Variants in CHL1 observed in about 807,000 individuals in gnomAD.
CHL1 encodes cell adhesion molecule L1 like, also known as neural cell adhesion molecule L1-like protein.
A neutral mutation model predicts 141.9 loss-of-function variants in CHL1; 96 were observed. The ratio of observed to expected loss-of-function variants is 0.68; its 90% CI spans 0.57 to 0.80. The LOEUF (loss-of-function observed/expected upper bound fraction) is 0.80. CHL1 is among the 30% of genes least tolerant of loss of function. CHL1 has a pLI of 0.00. For missense variants in CHL1, 1,820 were observed against 1,457.2 expected (o/e 1.25, Z -4.05); for synonymous variants, 613 against 502.2 (o/e 1.22, Z -2.95).
intron 1 of CHL1, among the ~76,000 whole-genome samples, chr3:227,460 T>C (rs541041951): frequency 2.0e-5 from 3 of 152,304 alleles, no homozygotes; most frequent in African/African-American, 7.2e-5. Flanking sequence ...CCTCAATGAC[T>C]GTTACATGAA....
intron 5 of CHL1, among the ~76,000 whole-genome samples, chr3:329,526 T>C (rs538227056): frequency 2.0e-5 from 3 of 151,550 alleles, no homozygotes; most frequent in African/African-American, 7.3e-5. Flanking sequence ...ACTAAAATTA[T>C]AAGAAAATAG....
chr3:387,924 C>T (rs992541544), intron 19 of CHL1, among the ~76,000 whole-genome samples: 1 of 152,116 alleles, frequency 6.6e-6, no homozygotes, highest in Admixed American at 6.5e-5. Context: ...TATGTCACTA[C>T]CCTTTCAACT....
chr3:198,415 G>T (rs548567497), intron 1 of CHL1, among the ~76,000 whole-genome samples: 31 of 152,098 alleles, frequency 2.0e-4, no homozygotes, highest in Admixed American at 1.7e-3. Flanking sequence ...GATGGTAACT[G>T]GTGGGCCCCC....
intron 6 of CHL1, 108 bp from the exon 7 acceptor site, chr3:341,804 C>A: frequency 2.1e-6 from 2 of 964,418 alleles, no homozygotes; most frequent in Non-Finnish European, 2.9e-6. Flanking sequence ...AATTAAAGAG[C>A]AAACAGGAAA....
intron 2 of CHL1, among the ~76,000 whole-genome samples, chr3:268,839 C>G (rs549120778): frequency 2.6e-5 from 4 of 152,290 alleles, no homozygotes; most frequent in African/African-American, 9.6e-5. Context: ...AGAAATAATT[C>G]ACTCTACCTC....
chr3:301,156 T>C (rs565543440), intron 2 of CHL1, among the ~76,000 whole-genome samples: 1 of 152,072 alleles, frequency 6.6e-6, no homozygotes, highest in Non-Finnish European at 1.5e-5. Flanking sequence ...GGAATCAAAG[T>C]AGAGGTAGAA....
chr3:299,038 A>G (rs1698467074), intron 2 of CHL1, among the ~76,000 whole-genome samples: 1 of 152,178 alleles, frequency 6.6e-6, no homozygotes, highest in Admixed American at 6.6e-5. Context: ...GAATTTGTAC[A>G]AGTTTTGAGT....
intron 1 of CHL1, among the ~76,000 whole-genome samples, chr3:231,304 C>T (rs953690505): frequency 2.6e-5 from 4 of 151,848 alleles, no homozygotes; most frequent in Non-Finnish European, 1.5e-5. Context: ...TTCCTCCTTC[C>T]TCTCCTCTCT....
intron 1 of CHL1, among the ~76,000 whole-genome samples, chr3:234,766 G>C (rs1691785116): frequency 6.6e-6 from 1 of 152,084 alleles, no homozygotes; most frequent in Non-Finnish European, 1.5e-5. Context: ...GGGACACAGG[G>C]CTCCCCATTC....
intron 2 of CHL1, among the ~76,000 whole-genome samples, chr3:278,526 C>A (rs1334095833): frequency 6.6e-6 from 1 of 152,150 alleles, no homozygotes; most frequent in African/African-American, 2.4e-5. Context: ...GAACCATGGC[C>A]AAGAGATCTT....
chr3:263,415 A>G (rs1250011534), intron 2 of CHL1, among the ~76,000 whole-genome samples: 1 of 152,156 alleles, frequency 6.6e-6, no homozygotes, highest in South Asian at 2.1e-4. Context: ...AATTTTGTCA[A>G]CTGTTTCTTT....
Position 361,828 on chromosome 3 carries a change from G to A in CHL1, c.1418+18G>A. On this transcript the variant is annotated intron_variant, in intron 13 of 27. Transcript: ENST00000256509. ...GTGTCCTGGTAAGCCGGTGGCTCAT[G>A]GTTTTCTTAAGAGAATGTCAATTGT... 6.7e-7 allele frequency: 1 copy of A among 1,499,352 alleles called. No individual in the cohort carries two copies. Among genetic ancestry groups the A allele is most frequent in the Non-Finnish European group, 9.3e-7 (1 of 1,076,036 alleles). 92.9% of individuals were successfully genotyped at this position (1,499,352 alleles called of 1,614,324 possible). A position where few individuals can be genotyped will look rare whatever the true frequency, so the allele number is the denominator to read the frequency against.
Position 198,153 on chromosome 3 carries a change from C to A in CHL1, c.-175+1090C>A, listed in dbSNP as rs575501110. The A allele has an allele frequency of 7.1e-4, 135 of 190,062 alleles. 1 individual carries two copies. The highest frequency in any genetic ancestry group is 3.0e-3 in the African/African-American group (124 of 41,676). 11.8% of individuals were successfully genotyped at this position (190,062 alleles called of 1,614,324 possible). A position where few individuals can be genotyped will look rare whatever the true frequency, so the allele number is the denominator to read the frequency against. ...CAGGGTGGGCGTTTGGGCTGCTGGG[C>A]GGGAAGGCGGGCGGGGAAGGGGTGG... is the stretch of plus-strand genomic sequence containing the variant. On this transcript the variant is annotated intron_variant, in intron 1 of 27. Coordinates refer to ENST00000256509, the MANE Select transcript of CHL1 (RefSeq NM_006614.4).
chr3:274,783 A>G (rs1007630742), intron 2 of CHL1, among the ~76,000 whole-genome samples: 1 of 152,148 alleles, frequency 6.6e-6, no homozygotes, highest in African/African-American at 2.4e-5. Context: ...CTGATGCACA[A>G]TTTTCTCTGT....
At chr3:270,505 G>C (rs1010631317) in intron 2 of CHL1, among the ~76,000 whole-genome samples, 2 of 152,144 alleles carry the variant, frequency 1.3e-5, no homozygotes, top group South Asian at 2.1e-4. Context: ...TAGGCAGAAA[G>C]GGCAGGGGAT....
In CHL1 at chr3:252,760, T is replaced by C. The variant is rs1693821939; in HGVS notation, c.-95+8068T>C. Among the ~76,000 whole-genome samples the C allele has an allele frequency of 2.6e-5, 4 of 152,090 alleles. No individual in the cohort carries two copies. The South Asian group carries it at 6.2e-4, about 24-fold the overall frequency. On this transcript the variant is annotated intron_variant, in intron 2 of 27. Coordinates refer to ENST00000256509, the MANE Select transcript of CHL1 (RefSeq NM_006614.4). ...ATGGTCTGATTGTCCTCAATGATTATAGCATTCAATGGTATTTTATTTTCA... is the reference window on the plus strand; with the variant it reads ...ATGGTCTGATTGTCCTCAATGATTACAGCATTCAATGGTATTTTATTTTCA...
rs5845959 is a variant in CHL1 at position 252,392 on chromosome 3, A to G, written c.-95+7700A>G. Among the ~76,000 whole-genome samples, 126 of 136,290 alleles carry G rather than the reference A, an allele frequency of 9.2e-4. 3 individuals carry two copies. Among genetic ancestry groups the G allele is most frequent in the African/African-American group, 2.9e-3 (107 of 37,052 alleles). 89.4% of individuals were successfully genotyped at this position (136,290 alleles called of 152,430 possible). ...TATATATATATATATATATATATAT[A>G]TATATATATTTCTATTTTGGTATTT... On this transcript the variant is annotated intron_variant, in intron 2 of 27. Coordinates refer to ENST00000256509, the MANE Select transcript of CHL1 (RefSeq NM_006614.4).
intron 15 of CHL1, among the ~76,000 whole-genome samples, chr3:368,521 A>G (rs1322908547): frequency 2.6e-5 from 4 of 151,998 alleles, no homozygotes; most frequent in Admixed American, 2.6e-4. Context: ...AGTTGTAAAA[A>G]TTTTCTGTCA....
intron 2 of CHL1, among the ~76,000 whole-genome samples, chr3:317,574 A>G (rs1700237810): frequency 6.6e-6 from 1 of 151,700 alleles, no homozygotes; most frequent in Non-Finnish European, 1.5e-5. Flanking sequence ...GGAACCGAGT[A>G]TTAAATAATA....
Sources: allele counts gnomAD v4.1 joint callset (sites outside exome capture counted in the v4.1 genomes callset), GRCh38; gene constraint gnomAD v4.1.1; transcripts MANE v1.5; gene names NCBI Gene and HGNC (gene_info 2026-07-23, HGNC 2026-07-21).